Variants in MALRD1 observed in about 807,000 individuals in gnomAD.
MALRD1 encodes MAM and LDL-receptor class A domain-containing protein 1.
MALRD1 carries 247 observed loss-of-function variants against 242.1 expected under a neutral mutation model. The ratio of observed to expected loss-of-function variants is 1.02; its 90% confidence interval spans 0.92 to 1.13. The LOEUF (loss-of-function observed/expected upper bound fraction) is 1.13. Ranked by LOEUF, MALRD1 falls within the 50% of genes most tolerant of loss-of-function variation. MALRD1 has a pLI of 0.00. For missense variants in MALRD1, 2,989 were observed against 2,533.1 expected, an observed-to-expected ratio of 1.18 and a Z score of -3.86; for synonymous variants, 995 against 866.6, an observed-to-expected ratio of 1.15 and a Z score of -2.60.
chr10:19,661,385 C>G (rs1215827538), intron 36 of MALRD1, among the ~76,000 whole-genome samples: 3 of 152,076 alleles, frequency 2.0e-5, no homozygotes, highest in Non-Finnish European at 4.4e-5. Context: ...GGAACCAACC[C>G]AAATGTCCAA....
intron 36 of MALRD1, among the ~76,000 whole-genome samples, chr10:19,681,858 C>CTTTTTTTTTTTTTTT (rs56244200): frequency 9.0e-6 from 1 of 111,186 alleles, no homozygotes; most frequent in Non-Finnish European, 1.9e-5. Context: ...GGGAATGTCA[C>CTTTTTTTTTTTTTTT]TTTTTTTTTT....
chr10:19,460,817 CT>C (rs1173091918), intron 29 of MALRD1, among the ~76,000 whole-genome samples: 1 of 152,116 alleles, frequency 6.6e-6, no homozygotes, highest in Non-Finnish European at 1.5e-5. Flanking sequence ...TAAAGAAGCA[CT>C]TTCAAAAGAA....
rs1435411806 is a variant in MALRD1, at chr10:19,707,785, C to G, written c.6314+15231C>G. On this transcript the variant is annotated intron_variant, in intron 38 of 39. Transcript: ENST00000454679. ...CTAACATGGTGAAACCCCATCTGTA[C>G]TAAAAAAAAAAAAAAAAAAAAAATA... is the stretch of plus-strand genomic sequence containing the variant. 2.7e-4 allele frequency among the ~76,000 whole-genome samples: 18 copies of G among 67,220 alleles called. 3 individuals carry two copies. The highest frequency in any genetic ancestry group is 7.9e-3 in the Middle Eastern group (1 of 126). The allele number at this position is 67,220 out of a possible 152,430, so 44.1% of individuals were successfully genotyped here.
chr10:19,262,109 C>A (rs767157744), intron 19 of MALRD1, among the ~76,000 whole-genome samples: 2 of 151,914 alleles, frequency 1.3e-5, no homozygotes, highest in Non-Finnish European at 2.9e-5. Context: ...TGAGCTATGG[C>A]TTTTTTCTAA....
chr10:19,720,292 C>T (rs560822388), intron 38 of MALRD1, among the ~76,000 whole-genome samples: 59 of 152,268 alleles, frequency 3.9e-4, no homozygotes, highest in African/African-American at 1.3e-3. Context: ...ATCTTGGCAT[C>T]GTTTCAGCCT....
At chr10:19,181,735 A>G (rs890491890) in intron 14 of MALRD1, among the ~76,000 whole-genome samples, 2 of 152,100 alleles carry the variant, frequency 1.3e-5, no homozygotes, top group African/African-American at 4.8e-5. Context: ...CTTGCCACAA[A>G]AAAAGAAAAA....
Position 19,283,101 on chromosome 10 carries a change from C to T in MALRD1, c.3339C>T (p.Asn1113=), listed in dbSNP as rs774945359. 6.5e-6 allele frequency: 10 copies of T among 1,549,670 alleles called. No individual in the cohort carries two copies. In the African/African-American group the frequency reaches 9.6e-5, roughly 15 times the overall value. The stretch of plus-strand genomic sequence containing the variant: ...CAGTACATTTGCTTCAAGATTCAAA[C>T]ACATTCAGGTGGGGGCTTGGGAACG... The part of the protein sequence containing the change: ...PIPVHLLQDS[N]TFRWGLGNGI... Residue 1113 remains asparagine (N), a synonymous_variant, in exon 21 of 40, where the codon AAC becomes AAT. Coordinates refer to ENST00000454679, the MANE Select transcript of MALRD1 (RefSeq NM_001142308.3).
At chr10:19,085,389 A>T (rs1442952298) in intron 2 of MALRD1, among the ~76,000 whole-genome samples, 1 of 152,012 alleles carries the variant, frequency 6.6e-6, no homozygotes, top group Admixed American at 6.6e-5. Context: ...AGGTAAAATG[A>T]AGTACACACT....
At chr10:19,318,751 T>A (rs1460388196) in intron 21 of MALRD1, among the ~76,000 whole-genome samples, 1 of 152,032 alleles carries the variant, frequency 6.6e-6, no homozygotes, top group Non-Finnish European at 1.5e-5. Flanking sequence ...CTACAATTTC[T>A]GTCATACCCT....
At chr10:19,299,538 G>T (rs1423210387) in intron 21 of MALRD1, among the ~76,000 whole-genome samples, 2 of 151,802 alleles carry the variant, frequency 1.3e-5, no homozygotes, top group African/African-American at 4.8e-5. Context: ...AATTCTTAGA[G>T]ACCTACAAAT....
intron 33 of MALRD1, among the ~76,000 whole-genome samples, chr10:19,592,767 GCACACACACA>G (rs138483194): frequency 1.9e-5 from 2 of 104,598 alleles, no homozygotes; most frequent in East Asian, 2.9e-4. Context: ...ACACACGCAC[GCACACACACA>G]CACACACACA....
intron 31 of MALRD1, among the ~76,000 whole-genome samples, chr10:19,512,419 T>C (rs1461238778): frequency 6.6e-6 from 1 of 152,196 alleles, no homozygotes; most frequent in African/African-American, 2.4e-5. Context: ...CCCAAGGCAA[T>C]CCAGTCTATT....
At chr10:19,114,705 GC>G (rs1483020909) in intron 5 of MALRD1, among the ~76,000 whole-genome samples, 1 of 152,104 alleles carries the variant, frequency 6.6e-6, no homozygotes, top group Non-Finnish European at 1.5e-5. Context: ...ACACCTCAGG[GC>G]TAGTATATTA....
intron 28 of MALRD1, among the ~76,000 whole-genome samples, chr10:19,449,477 T>C (rs946693977): frequency 6.6e-6 from 1 of 152,228 alleles, no homozygotes; most frequent in African/African-American, 2.4e-5. Context: ...GTGTTGCGAA[T>C]TCTGCTAGTT....
chr10:19,160,940 G>C (rs978985426), intron 12 of MALRD1, among the ~76,000 whole-genome samples: 7 of 149,798 alleles, frequency 4.7e-5, no homozygotes, highest in Non-Finnish European at 6.0e-5. Context: ...TTTTTTGAAG[G>C]GTTTTTTGTG....
chr10:19,547,804 ATATATATATATATATT>A (rs1452336172), intron 32 of MALRD1, among the ~76,000 whole-genome samples: 7 of 13,304 alleles, frequency 5.3e-4, no homozygotes, highest in African/African-American at 1.5e-3. Flanking sequence ...ATATATATAT[ATATATATATATATATT>A]TTTTTTTTTT....
intron 5 of MALRD1, among the ~76,000 whole-genome samples, chr10:19,118,684 G>A (rs1004523099): frequency 3.3e-5 from 5 of 152,148 alleles, no homozygotes; most frequent in African/African-American, 1.2e-4. Flanking sequence ...GTATAATGAG[G>A]CATGTCTGGC....
intron 28 of MALRD1, among the ~76,000 whole-genome samples, chr10:19,398,231 C>A (rs1221522071): frequency 6.6e-6 from 1 of 152,008 alleles, no homozygotes; most frequent in African/African-American, 2.4e-5. Context: ...CCAAAAAAAT[C>A]CTTGTGCATT....
intron 24 of MALRD1, among the ~76,000 whole-genome samples, chr10:19,332,236 C>G (rs1437728245): frequency 6.8e-6 from 1 of 147,942 alleles, no homozygotes; most frequent in East Asian, 2.0e-4. Flanking sequence ...TCATGCAGGA[C>G]TGGTGAGCCT....
Sources: allele counts gnomAD v4.1 joint callset (sites outside exome capture counted in the v4.1 genomes callset), GRCh38; gene constraint gnomAD v4.1.1; transcripts MANE v1.5; gene names NCBI Gene and HGNC (gene_info 2026-07-23, HGNC 2026-07-21).